The following NELFA variants were observed in gnomAD, a reference collection of about 807,000 sequenced individuals.
The protein encoded by NELFA is negative elongation factor complex member A.
A neutral mutation model predicts 51.8 loss-of-function variants in NELFA; 35 were observed. That is an observed-to-expected ratio of 0.68 (90% confidence interval 0.52 to 0.90). NELFA has a LOEUF of 0.90. Ranked by LOEUF, NELFA falls within the 40% of genes least tolerant of loss-of-function variation. NELFA has a pLI of 0.00. For missense variants in NELFA, 658 were observed against 746.4 expected (o/e 0.88, Z 1.38); for synonymous variants, 417 against 338.4 (o/e 1.23, Z -2.55).
In NELFA at chr4:1,986,129, T is replaced by C; in HGVS notation, c.820A>G (p.Arg274Gly). 6.4e-7 allele frequency: 1 copy of C among 1,552,360 alleles called. No homozygotes were observed. Among genetic ancestry groups the C allele is most frequent in the Non-Finnish European group, 8.7e-7 (1 of 1,147,602 alleles). ...MVGAGREAKR[R>G]RKTLDAEVVE... is the part of the protein sequence containing the mutation. ...CAACCCCCACCGAGAGTCTTCCTTC[T>C]CCGCTTCGCCTCTCGGCCAGCGCCA... is the stretch of plus-strand genomic sequence containing the variant. Residue 274 changes from arginine (R) to glycine (G), a missense_variant, in exon 6 of 11, where the codon AGA becomes GGA. Arg to Gly is a moderately radical substitution (Grantham distance 125). Coordinates refer to ENST00000382882, the MANE Select transcript of NELFA (RefSeq NM_005663.5).
At chr4:1,998,585 G>GTATTTCAGTAACAATAGAGAGA (rs1205006519) in intron 1 of NELFA, among the ~76,000 whole-genome samples, 7 of 152,148 alleles carry the variant, frequency 4.6e-5, no homozygotes, top group African/African-American at 1.7e-4. Flanking sequence ...AATAAGACAT[G>GTATTTCAGTAACAATAGAGAGA]CAGACAACAA....
chr4:2,002,006 C>T (rs1728580335), intron 1 of NELFA, among the ~76,000 whole-genome samples: 1 of 151,892 alleles, frequency 6.6e-6, no homozygotes, highest in Non-Finnish European at 1.5e-5. Flanking sequence ...CGAGACCATC[C>T]TGGCTAACAC....
At chr4:1,986,091 G>A (rs374954650) in intron 6 of NELFA, 23 bp downstream of exon 6, 17 of 1,548,170 alleles carry the variant, frequency 1.1e-5, no homozygotes, top group Admixed American at 5.9e-5. Context: ...CATTGCCGCC[G>A]ACACGCAGGC....
In NELFA at chr4:1,983,712, GGTGTGGGTGCC is replaced by G; in HGVS notation, c.1303-28_1303-18del. 6.2e-7 allele frequency: 1 copy of G among 1,613,024 alleles called. No individual in the cohort carries two copies. Among genetic ancestry groups the G allele is most frequent in the Non-Finnish European group, 8.5e-7 (1 of 1,179,380 alleles). ...CTGCTCTCTCTACAGCGGGGAGAGG[GGTGTGGGTGCC>G]AGGGCCCCGCCAGGACCACCTCCTG... On this transcript the variant is annotated intron_variant, in intron 9 of 10. Transcript: ENST00000382882.
chr4:1,991,093 C>T (rs1728255936), intron 2 of NELFA, among the ~76,000 whole-genome samples: 1 of 152,338 alleles, frequency 6.6e-6, no homozygotes, highest in South Asian at 2.1e-4. Context: ...GCCACGGAGC[C>T]CAGCCTTGTG....
Position 1,984,861 on chromosome 4 carries a change from G to A in NELFA, c.983C>T (p.Thr328Met), listed in dbSNP as rs763739051. 7.0e-6 allele frequency: 11 copies of A among 1,580,514 alleles called. No individual in the cohort carries two copies. Among genetic ancestry groups the A allele is most frequent in the East Asian group, 6.9e-5 (3 of 43,376 alleles). Reference protein sequence around the residue: ...ALPSTSYLPSTPSVVPASSYI... With the variant: ...ALPSTSYLPSMPSVVPASSYI... ...GGAGGAGGCGGGAACCACGCTGGGC[G>A]TGGAGGGAAGGTAGCTCGTGGAGGG... Residue 328 changes from threonine to methionine, a missense_variant, in exon 8 of 11, where the codon ACG (threonine) becomes ATG (methionine). Physicochemically the swap from Thr to Met is moderately conservative, Grantham distance 81. Around this residue, in one of 3 missense-constraint regions of NELFA, gnomAD observed 200 missense variants for 167.9 expected, o/e 1.19. Coordinates refer to ENST00000382882, the MANE Select transcript of NELFA (RefSeq NM_005663.5).
In NELFA at chr4:1,992,521, C is replaced by A. The variant is rs1012723361; in HGVS notation, c.211-806G>T. 2.7e-5 allele frequency: 11 copies of A among 413,706 alleles called. No homozygotes were observed. The Admixed American group carries it at 3.0e-4, about 11-fold the overall frequency. 25.6% of individuals were successfully genotyped at this position (413,706 alleles called of 1,614,324 possible). A position where few individuals can be genotyped will look rare whatever the true frequency, so the allele number is the denominator to read the frequency against. ...GTGCCTCTGCCATGCGCCCACTGGGCTGCTCACAGTGTGAGACAGCTGGGC... is the reference window on the plus strand; with the variant it reads ...GTGCCTCTGCCATGCGCCCACTGGGATGCTCACAGTGTGAGACAGCTGGGC... On this transcript the variant is annotated intron_variant, in intron 1 of 10. Transcript: ENST00000382882.
chr4:2,007,060 C>A (rs1253451260), intron 1 of NELFA: 4 of 305,028 alleles, frequency 1.3e-5, no homozygotes, highest in African/African-American at 8.7e-5. Context: ...GAGTTCAAGA[C>A]CAGCCTGGGC....
intron 6 of NELFA, 67 bp from the exon 7 acceptor site, chr4:1,985,931 C>G (rs1484536237): frequency 1.4e-6 from 2 of 1,446,094 alleles, no homozygotes; most frequent in Non-Finnish European, 1.9e-6. Context: ...AGGGCAGCGG[C>G]AGGGAATCAA....
In NELFA at chr4:1,989,637, AC is replaced by A. The variant is rs1728214130; in HGVS notation, c.544+70del. 1 of 1,510,420 alleles carries A rather than the reference AC, an allele frequency of 6.6e-7. No homozygotes were observed. Among genetic ancestry groups the A allele is most frequent in the East Asian group, 2.3e-5 (1 of 44,236 alleles). 93.6% of individuals were successfully genotyped at this position (1,510,420 alleles called of 1,614,324 possible). A position where few individuals can be genotyped will look rare whatever the true frequency, so the allele number is the denominator to read the frequency against. On this transcript the variant is annotated intron_variant, in intron 3 of 10. Transcript: ENST00000382882. The surrounding 1 kb of genome is among the most constrained non-coding windows in gnomAD (Gnocchi z 4.8). ...GCCACCTTGAAGGGGCAGTCTTGGT[AC>A]CTTAGAACCTAAGAAACCTATGACT...
Position 2,001,840 on chromosome 4 carries a change from T to C in NELFA, c.210+6910A>G, listed in dbSNP as rs538246108. Among the ~76,000 whole-genome samples the C allele has an allele frequency of 1.2e-4, 18 of 150,586 alleles. No individual in the cohort carries two copies. The South Asian group carries it at 2.7e-3, about 23-fold the overall frequency. On this transcript the variant is annotated intron_variant, in intron 1 of 10. Coordinates refer to ENST00000382882, the MANE Select transcript of NELFA (RefSeq NM_005663.5). ...ACTGCTTGAGCAAGGGAGGCGGAGGTTGCAGTGAGCCGAGATCGTGCCACT... is the reference window on the plus strand; with the variant it reads ...ACTGCTTGAGCAAGGGAGGCGGAGGCTGCAGTGAGCCGAGATCGTGCCACT...
chr4:1,994,811 C>T (rs1165708550), intron 1 of NELFA, among the ~76,000 whole-genome samples: 3 of 145,304 alleles, frequency 2.1e-5, no homozygotes, highest in African/African-American at 7.7e-5. Flanking sequence ...GCCGAGATTG[C>T]GTGCCCCAGC....
rs542772338 is a variant in NELFA, at chr4:2,003,765, G to A, written c.210+4985C>T. 3.9e-5 allele frequency: 6 copies of A among 152,124 alleles called. 1 individual carries two copies. Among genetic ancestry groups the A allele is most frequent in the African/African-American group, 9.6e-5 (4 of 41,498 alleles). 9.4% of individuals were successfully genotyped at this position (152,124 alleles called of 1,614,324 possible). A position where few individuals can be genotyped will look rare whatever the true frequency, so the allele number is the denominator to read the frequency against. ...AGTGAGGGGAGGGAACTTAAAGGAC[G>A]GGTCAATAGGTGCAGCAAACCATGG... On this transcript the variant is annotated intron_variant, in intron 1 of 10. Transcript: ENST00000382882.
intron 3 of NELFA, among the ~76,000 whole-genome samples, chr4:1,988,603 C>T (rs546353009): frequency 1.3e-5 from 2 of 152,350 alleles, no homozygotes; most frequent in South Asian, 4.1e-4. Flanking sequence ...CCGTTCCAGC[C>T]AAGATCCATG....
intron 3 of NELFA, 95 bp from the exon 4 acceptor site, chr4:1,988,102 C>A (rs988615824): frequency 2.8e-6 from 3 of 1,082,794 alleles, no homozygotes; most frequent in African/African-American, 3.1e-5. Context: ...ATCCGACGGC[C>A]TGAGCCGTGA....
At chr4:1,996,545 G>C (rs923891455) in intron 1 of NELFA, among the ~76,000 whole-genome samples, 5 of 152,210 alleles carry the variant, frequency 3.3e-5, no homozygotes, top group African/African-American at 1.2e-4. Flanking sequence ...CTGGTAGTTT[G>C]AAAATTCTTA....
chr4:1,996,036 C>A (rs571607144), intron 1 of NELFA, among the ~76,000 whole-genome samples: 1 of 152,250 alleles, frequency 6.6e-6, no homozygotes. Flanking sequence ...CATGATTATA[C>A]AAATTGGCCT....
intron 1 of NELFA, among the ~76,000 whole-genome samples, chr4:2,008,363 G>A (rs1182624465): frequency 2.0e-5 from 3 of 151,670 alleles, no homozygotes; most frequent in African/African-American, 7.3e-5. Flanking sequence ...CGAGAACCCG[G>A]GGCCCGGCGG....
intron 4 of NELFA, 67 bp downstream of exon 4, chr4:1,987,851 G>A: frequency 7.5e-7 from 1 of 1,337,588 alleles, no homozygotes. Flanking sequence ...CAGGGAGCGG[G>A]TCTCCAGGTG....
Sources: allele counts gnomAD v4.1 joint callset (sites outside exome capture counted in the v4.1 genomes callset), GRCh38; gene constraint gnomAD v4.1.1; regional missense constraint gnomAD v4.1.1; non-coding constraint Gnocchi (gnomAD v3.1); transcripts MANE v1.5; gene names NCBI Gene and HGNC (gene_info 2026-07-23, HGNC 2026-07-21).